Variants in NUP210L observed in about 807,000 individuals in gnomAD.
NUP210L encodes the protein nuclear pore membrane glycoprotein 210-like.
A neutral mutation model predicts 208.5 loss-of-function variants in NUP210L; 74 were observed. That is an observed-to-expected ratio of 0.35 (90% CI 0.29 to 0.43). The LOEUF is 0.43. Ranked by LOEUF, NUP210L falls within the 20% of genes least tolerant of loss-of-function variation. The pLI, the probability that NUP210L is intolerant of heterozygous loss-of-function variation, is 1.00. For missense variants in NUP210L, 1,843 were observed against 2,289.4 expected (o/e 0.81, Z 3.98); for synonymous variants, 780 against 816.9 (o/e 0.95, Z 0.77).
intron 25 of NUP210L, among the ~76,000 whole-genome samples, chr1:154,049,670 G>A (rs1653379438): frequency 6.6e-6 from 1 of 152,142 alleles, no homozygotes; most frequent in African/African-American, 2.4e-5. Context: ...GAAAAAATCA[G>A]GTAAATGGAG....
At chr1:154,040,539 C>T (rs1000829293) in intron 27 of NUP210L, among the ~76,000 whole-genome samples, 14 of 151,364 alleles carry the variant, frequency 9.2e-5, no homozygotes, top group African/African-American at 3.4e-4. Context: ...AAAGTAACCT[C>T]TGTTTGTAGT....
At chr1:154,136,856 G>A (rs1463918867) in intron 6 of NUP210L, among the ~76,000 whole-genome samples, 1 of 137,134 alleles carries the variant, frequency 7.3e-6, no homozygotes, top group Admixed American at 8.1e-5. Context: ...GGAGGCAGAG[G>A]TTGCAGTGAG....
chr1:154,072,965 G>C (rs1337720170), intron 16 of NUP210L, among the ~76,000 whole-genome samples: 6 of 152,188 alleles, frequency 3.9e-5, no homozygotes. Context: ...AAAAGGAACA[G>C]TCAGTAGAGT....
intron 37 of NUP210L, among the ~76,000 whole-genome samples, chr1:153,996,826 C>T (rs182149088): frequency 4.9e-4 from 73 of 149,564 alleles, no homozygotes; most frequent in Admixed American, 4.4e-3. Flanking sequence ...TAACCTTATC[C>T]TCAATAAAAC....
chr1:154,031,144 A>C (rs541594334), intron 27 of NUP210L, among the ~76,000 whole-genome samples: 6 of 152,270 alleles, frequency 3.9e-5, no homozygotes, highest in Admixed American at 2.6e-4. Context: ...TTTGGAGTGC[A>C]ATGGCATGAT....
rs184900620 is a variant in NUP210L at position 154,021,897 on chromosome 1, G to A, written c.4516+229C>T. Among the ~76,000 whole-genome samples the A allele has an allele frequency of 2.6e-3, 392 of 152,230 alleles. 1 individual carries two copies. The highest frequency in any genetic ancestry group is 9.0e-3 in the African/African-American group (372 of 41,536). On this transcript the variant is annotated intron_variant, in intron 32 of 39. Coordinates refer to ENST00000368559, the Ensembl canonical transcript of NUP210L. ...TCAAAATTATTTTCTTTCTCAGAGA[G>A]TCCCTCAGATTTTAGATAATTTGGA...
Position 154,027,505 on chromosome 1 carries a change from C to T in NUP210L, c.3947+1G>A, listed in dbSNP as rs749133062. On this transcript the variant is annotated splice_donor_variant, in intron 29 of 39. Coordinates refer to ENST00000368559, the Ensembl canonical transcript of NUP210L. LOFTEE classifies it high-confidence loss of function. Reference sequence around the variant, plus strand: ...ACTTCCTTATTCTCCCTTTTCCTTACCTGTTGGTATGGAGTTTGAGCTGAG... The same window carrying T: ...ACTTCCTTATTCTCCCTTTTCCTTATCTGTTGGTATGGAGTTTGAGCTGAG... 3 of 1,600,812 alleles carry T rather than the reference C, an allele frequency of 1.9e-6. No individual in the cohort carries two copies. Among genetic ancestry groups the T allele is most frequent in the East Asian group, 2.2e-5 (1 of 44,764 alleles).
chr1:154,055,131 C>CTCTTTCTTTCT (rs1381119147), intron 23 of NUP210L, among the ~76,000 whole-genome samples: 5 of 55,626 alleles, frequency 9.0e-5, no homozygotes, highest in African/African-American at 2.3e-4. Context: ...TCTTTTCTTT[C>CTCTTTCTTTCT]TTTCTTTCTT....
chr1:154,067,779 C>G (rs1380475111), intron 17 of NUP210L, among the ~76,000 whole-genome samples: 1 of 152,134 alleles, frequency 6.6e-6, no homozygotes, highest in Non-Finnish European at 1.5e-5. Flanking sequence ...GCAAAAATCA[C>G]AAGCATTCTT....
At chr1:154,043,417 C>A (rs944383964) in intron 27 of NUP210L, among the ~76,000 whole-genome samples, 1 of 151,230 alleles carries the variant, frequency 6.6e-6, no homozygotes, top group Non-Finnish European at 1.5e-5. Flanking sequence ...CGGGTTCAAG[C>A]GATTCTCCTG....
intron 27 of NUP210L, among the ~76,000 whole-genome samples, chr1:154,039,506 G>A (rs1382627340): frequency 6.6e-6 from 1 of 152,040 alleles, no homozygotes; most frequent in Non-Finnish European, 1.5e-5. Context: ...AAAGTGCTGG[G>A]ATTACAGGCG....
At chr1:154,072,624 G>A (rs184212216) in intron 16 of NUP210L, among the ~76,000 whole-genome samples, 6 of 152,082 alleles carry the variant, frequency 3.9e-5, no homozygotes, top group South Asian at 2.1e-4. Flanking sequence ...GAGCCACCGC[G>A]CCTGGCAATT....
intron 16 of NUP210L, among the ~76,000 whole-genome samples, chr1:154,076,799 A>G (rs1655062724): frequency 6.6e-6 from 1 of 152,186 alleles, no homozygotes; most frequent in South Asian, 2.1e-4. Context: ...AGAGGAAGAA[A>G]GAATATTTGA....
At chr1:154,151,950 G>A (rs1217627654) in intron 2 of NUP210L, among the ~76,000 whole-genome samples, 1 of 151,326 alleles carries the variant, frequency 6.6e-6, no homozygotes, top group African/African-American at 2.4e-5. Flanking sequence ...TTAGCCAGGT[G>A]TGGTGGCAGT....
At chr1:154,050,566 T>C (rs944539382) in intron 25 of NUP210L, among the ~76,000 whole-genome samples, 10 of 152,242 alleles carry the variant, frequency 6.6e-5, no homozygotes, top group Non-Finnish European at 1.3e-4. Context: ...ATCAAATTGC[T>C]ACCTATGATA....
chr1:154,056,716 A>G, intron 23 of NUP210L, 99 bp downstream of exon 23: 1 of 1,265,662 alleles, frequency 7.9e-7, no homozygotes, highest in Non-Finnish European at 1.1e-6. Flanking sequence ...CACTGTGCCC[A>G]GCCAGTCAAA....
intron 10 of NUP210L, among the ~76,000 whole-genome samples, chr1:154,123,968 G>C (rs1657751456): frequency 1.3e-5 from 2 of 151,830 alleles, no homozygotes; most frequent in Admixed American, 1.3e-4. Flanking sequence ...CGGATCACAA[G>C]GTCAGGAGTT....
chr1:154,065,265 A>T (rs1490753810), intron 17 of NUP210L, among the ~76,000 whole-genome samples: 1 of 151,688 alleles, frequency 6.6e-6, no homozygotes, highest in African/African-American at 2.4e-5. Context: ...ACAAAAAATT[A>T]AAAAATTAGC....
rs533235450 is a variant in NUP210L, at chr1:154,115,756, C to A, written c.1620+1969G>T. ...ATCTCTGAATGTCCAATAATACCTA[C>A]GAGATAATAAATGTTCACTGAGTGA... On this transcript the variant is annotated intron_variant, in intron 12 of 39. Transcript: ENST00000368559. 5.3e-5 allele frequency among the ~76,000 whole-genome samples: 8 copies of A among 152,058 alleles called. No individual in the cohort carries two copies. The East Asian group carries it at 1.3e-3, about 26-fold the overall frequency.
Sources: gnomAD v4.1 joint callset for allele counts (sites outside exome capture counted in the v4.1 genomes callset) on GRCh38, gnomAD v4.1.1 for gene constraint, MANE v1.5 for transcripts, NCBI Gene and HGNC (gene_info 2026-07-23, HGNC 2026-07-21) for gene names.